Variants in ZC3H3 observed in about 807,000 individuals in gnomAD.
The protein encoded by ZC3H3 is zinc finger CCCH domain-containing protein 3.
ZC3H3 carries 36 observed loss-of-function variants against 77.3 expected under a neutral mutation model. The ratio of observed to expected loss-of-function variants is 0.47; its 90% CI spans 0.36 to 0.61. ZC3H3 has a LOEUF of 0.61. Ranked by LOEUF, ZC3H3 falls within the 20% of genes least tolerant of loss-of-function variation. ZC3H3 has a pLI of 0.00. For missense variants in ZC3H3, 1,331 were observed against 1,312.2 expected (o/e 1.01, Z -0.22); for synonymous variants, 626 against 555.2 (o/e 1.13, Z -1.79).
chr8:143,480,166 T>G (rs1820870260), intron 4 of ZC3H3, among the ~76,000 whole-genome samples: 1 of 152,142 alleles, frequency 6.6e-6, no homozygotes, highest in Admixed American at 6.5e-5. Flanking sequence ...ACTTCAGTGG[T>G]GCTGGGGGCC....
intron 9 of ZC3H3, among the ~76,000 whole-genome samples, chr8:143,455,191 G>A (rs1586880701): frequency 6.6e-6 from 1 of 152,126 alleles, no homozygotes; most frequent in African/African-American, 2.4e-5. Context: ...GCGGGGGCCT[G>A]TAATCCCAGC....
chr8:143,506,281 C>T (rs570247841), intron 4 of ZC3H3, among the ~76,000 whole-genome samples: 29 of 152,338 alleles, frequency 1.9e-4, no homozygotes, highest in African/African-American at 5.8e-4. Flanking sequence ...GGTGGACCCT[C>T]GACGTCGGGC....
chr8:143,538,425 C>G lies in ZC3H3; in HGVS notation c.942G>C (p.Val314=), dbSNP rs1452494389. The change falls in exon 2 of 12, where the codon GTG becomes GTC. Residue 314 remains valine (V), a synonymous_variant. Transcript: ENST00000262577. ...NKFRKNNYKW[V]AASSKSPRVA... is the part of the protein sequence containing the mutation. ...CCCGGGGACTCTTCGAGGAGGCAGC[C>G]ACCCATTTGTAGTTGTTTTTCCGGA... The G allele has an allele frequency of 6.2e-7, 1 of 1,613,230 alleles. No individual in the cohort carries two copies. The highest frequency in any genetic ancestry group is 8.5e-7 in the Non-Finnish European group (1 of 1,180,034).
chr8:143,458,850 G>A (rs1157904322), intron 9 of ZC3H3, among the ~76,000 whole-genome samples: 1 of 149,688 alleles, frequency 6.7e-6, no homozygotes, highest in Non-Finnish European at 1.5e-5. Flanking sequence ...GCTGGGCGCA[G>A]TGGCTCATGC....
intron 5 of ZC3H3, among the ~76,000 whole-genome samples, chr8:143,474,046 C>T (rs1038624080): frequency 1.3e-5 from 2 of 152,220 alleles, no homozygotes; most frequent in African/African-American, 4.8e-5. Flanking sequence ...CAACCCACGG[C>T]AGCATCCCCC....
intron 9 of ZC3H3, among the ~76,000 whole-genome samples, chr8:143,453,526 G>A (rs947184877): frequency 6.6e-6 from 1 of 152,186 alleles, no homozygotes; most frequent in African/African-American, 2.4e-5. Flanking sequence ...CCCATATTCA[G>A]TGAATTATCC....
intron 3 of ZC3H3, among the ~76,000 whole-genome samples, chr8:143,535,491 C>CGAACGTGCACA (rs1457223150): frequency 1.3e-5 from 2 of 152,214 alleles, no homozygotes; most frequent in Non-Finnish European, 2.9e-5. Context: ...TCGCACAGGA[C>CGAACGTGCACA]CAGGTGCACA....
At position 143,475,011 on chromosome 8, in the gene ZC3H3, C is replaced by G. The variant is rs150896064; in HGVS notation, c.1903+387G>C. Reference sequence around the variant, plus strand: ...AACATGGTGCTTGTGAGCAACTCTCCCCCACCCCACAGAAAATCAGGGGCC... The same window carrying G: ...AACATGGTGCTTGTGAGCAACTCTCGCCCACCCCACAGAAAATCAGGGGCC... On this transcript the variant is annotated intron_variant, in intron 5 of 11. Transcript: ENST00000262577. 4.4e-3 allele frequency among the ~76,000 whole-genome samples: 677 copies of G among 152,340 alleles called. 7 individuals carry two copies. Among genetic ancestry groups the G allele is most frequent in the African/African-American group, 0.016 (645 of 41,582 alleles).
At position 143,493,131 on chromosome 8, in the gene ZC3H3, C is replaced by T. The variant is rs1188373258; in HGVS notation, c.1715+14615G>A. 1.4e-4 allele frequency among the ~76,000 whole-genome samples: 14 copies of T among 97,880 alleles called. No individual in the cohort carries two copies. The highest frequency in any genetic ancestry group is 4.0e-4 in the African/African-American group (10 of 24,832). 64.2% of individuals were successfully genotyped at this position (97,880 alleles called of 152,430 possible). On this transcript the variant is annotated intron_variant, in intron 4 of 11. Transcript: ENST00000262577. The surrounding 1 kb of genome is among the most constrained non-coding windows in gnomAD (Gnocchi z 4.8). The stretch of plus-strand genomic sequence containing the variant: ...CCCAGGGGCTCCCTCCTCAGGCTCC[C>T]GTGTCCTGGCCCAGGGGCTCCCTCC...
At chr8:143,509,341 C>G (rs559919440) in intron 3 of ZC3H3, among the ~76,000 whole-genome samples, 84 of 152,376 alleles carry the variant, frequency 5.5e-4, no homozygotes, top group African/African-American at 1.9e-3. Flanking sequence ...CCGAGGTGAC[C>G]TCACCACCTT....
intron 3 of ZC3H3, among the ~76,000 whole-genome samples, chr8:143,522,746 C>T (rs946922009): frequency 3.0e-4 from 45 of 152,134 alleles, no homozygotes; most frequent in Non-Finnish European, 6.0e-4. Flanking sequence ...TGGTGAGACC[C>T]TGTCTCTACA....
chr8:143,452,699 C>CA (rs1197492290), intron 9 of ZC3H3, among the ~76,000 whole-genome samples: 2 of 152,140 alleles, frequency 1.3e-5, no homozygotes, highest in African/African-American at 4.8e-5. Context: ...ATAAAAAACT[C>CA]AGTGTGTGGC....
intron 9 of ZC3H3, among the ~76,000 whole-genome samples, chr8:143,443,910 T>C (rs1246266121): frequency 6.6e-6 from 1 of 151,822 alleles, no homozygotes; most frequent in African/African-American, 2.4e-5. Flanking sequence ...CATGAAGAAA[T>C]TGGAATCAGC....
Position 143,494,629 on chromosome 8 carries a change from GA to G in ZC3H3, c.1715+13116del, listed in dbSNP as rs1233303736. 4.5e-4 allele frequency among the ~76,000 whole-genome samples: 68 copies of G among 152,296 alleles called. No individual in the cohort carries two copies. In the East Asian group the frequency reaches 0.011, roughly 25 times the overall value. On this transcript the variant is annotated intron_variant, in intron 4 of 11. Coordinates refer to ENST00000262577, the MANE Select transcript of ZC3H3 (RefSeq NM_015117.3). This position sits in a 1 kb window ranked among gnomAD's most constrained non-coding sequence, Gnocchi z 5.3. The stretch of plus-strand genomic sequence containing the variant: ...ACAGGAGGGAAGCGGCAGGTCGGGG[GA>G]GGGGGGTGCTGTGGGCAGACACACG...
intron 3 of ZC3H3, among the ~76,000 whole-genome samples, chr8:143,535,083 C>T (rs1047222357): frequency 6.6e-6 from 1 of 152,038 alleles, no homozygotes; most frequent in East Asian, 1.9e-4. Flanking sequence ...CTCGTTCTGT[C>T]GCCCAGACTG....
rs780439337 is a variant in ZC3H3, at chr8:143,475,622, A to G, written c.1716-37T>C. ...GGAAATGCCCGTCAAACCTGGCCCC[A>G]GGACAGACTACAGCTCTGATGGTCA... On this transcript the variant is annotated intron_variant, in intron 4 of 11. Coordinates refer to ENST00000262577, the MANE Select transcript of ZC3H3 (RefSeq NM_015117.3). 232 of 1,535,950 alleles carry G rather than the reference A, an allele frequency of 1.5e-4. 1 individual carries two copies. The highest frequency in any genetic ancestry group is 1.9e-4 in the Non-Finnish European group (212 of 1,140,400).
intron 3 of ZC3H3, among the ~76,000 whole-genome samples, chr8:143,522,489 G>A (rs1382570509): frequency 6.6e-6 from 1 of 152,190 alleles, no homozygotes; most frequent in Non-Finnish European, 1.5e-5. Flanking sequence ...TGTAATCCCA[G>A]CTACTGGGGA....
chr8:143,495,864 C>G (rs372957320), intron 4 of ZC3H3, among the ~76,000 whole-genome samples: 1 of 151,484 alleles, frequency 6.6e-6, no homozygotes, highest in Admixed American at 6.6e-5. Context: ...AGCCTCCCAA[C>G]GTGCTGTGAT....
At chr8:143,477,507 C>A (rs1264188662) in intron 4 of ZC3H3, among the ~76,000 whole-genome samples, 2 of 152,208 alleles carry the variant, frequency 1.3e-5, no homozygotes, top group Non-Finnish European at 2.9e-5. Context: ...ACCCTGGGGT[C>A]CCAGTGCAGC....
Sources: gnomAD v4.1 joint callset for allele counts (sites outside exome capture counted in the v4.1 genomes callset) on GRCh38, gnomAD v4.1.1 for gene constraint, Gnocchi (gnomAD v3.1) non-coding constraint, MANE v1.5 for transcripts, NCBI Gene and HGNC (gene_info 2026-07-23, HGNC 2026-07-21) for gene names.